The following PGGHG variants were observed in gnomAD, a reference collection of about 807,000 sequenced individuals.
PGGHG encodes the protein ATH1, acid trehalase-like 1.
Under a neutral mutation model 74.5 loss-of-function variants are expected in PGGHG, and 67 were observed. The ratio of observed to expected loss-of-function variants is 0.90; its 90% CI spans 0.74 to 1.10. The LOEUF (loss-of-function observed/expected upper bound fraction) is 1.10, where lower values mean the gene tolerates loss of function less well. PGGHG is among the 50% of genes least tolerant of loss of function. The probability of loss-of-function intolerance (pLI) is 0.00; values close to 1 mark genes in which losing one functional copy is unlikely to be tolerated. For synonymous variants in PGGHG, 496 were observed against 419.9 expected (o/e 1.18, Z -2.21); for missense variants, 1,034 against 981.5 (o/e 1.05, Z -0.72).
Position 291,194 on chromosome 11 carries a change from G to A in PGGHG, c.906+81G>A, listed in dbSNP as rs148949219. On this transcript the variant is annotated intron_variant, in intron 4 of 13. Transcript: ENST00000409548. ...GGTCTCTGCCCTCCCTGGGACCAGG[G>A]CTATGGTTGGGGAAGCACAGGGACT... The A allele has an allele frequency of 1.8e-3, 2,623 of 1,461,454 alleles. 39 individuals carry two copies. In the African/African-American group the frequency reaches 0.034, roughly 19 times the overall value. 90.5% of individuals were successfully genotyped at this position (1,461,454 alleles called of 1,614,324 possible).
Position 290,989 on chromosome 11 carries a change from A to C in PGGHG, c.782A>C (p.Tyr261Ser). ...CGCCAGGCCCTGCGTGGCTCCCTCT[A>C]CTACCTGCTCAGTGCCCTGCCCCAG... ...QLRQALRGSL[Y>S]YLLSALPQPK... The change falls in exon 4 of 14, where the codon TAC becomes TCC. Residue 261 changes from tyrosine to serine, a missense_variant. Physicochemically the swap from Tyr to Ser is moderately radical, Grantham distance 144. Coordinates refer to ENST00000409548, the MANE Select transcript of PGGHG (RefSeq NM_025092.5). The C allele has an allele frequency of 1.2e-6, 2 of 1,612,670 alleles. No homozygotes were observed. The highest frequency in any genetic ancestry group is 2.2e-5 in the South Asian group (2 of 91,082).
Position 293,915 on chromosome 11 carries a change from A to G in PGGHG, c.1700A>G (p.Glu567Gly). The G allele has an allele frequency of 6.2e-7, 1 of 1,612,504 alleles. No individual in the cohort carries two copies. Among genetic ancestry groups the G allele is most frequent in the Non-Finnish European group, 8.5e-7 (1 of 1,179,602 alleles). Residue 567 changes from glutamate (E) to glycine (G), a missense_variant, in exon 11 of 14, where the codon GAA becomes GGA. Transcript: ENST00000409548. ...LLDRSFANMA[E>G]PFKVWTENAD... ...GACAGGAGCTTTGCCAACATGGCTG[A>G]ACCCTTCAAGGTCAGCCTGGCCACA...
At chr11:291,154 C>T (rs1590284408) in intron 4 of PGGHG, 41 bp downstream of exon 4, 1 of 1,520,304 alleles carries the variant, frequency 6.6e-7, no homozygotes, top group Non-Finnish European at 8.8e-7. Flanking sequence ...CAGCAGGCGA[C>T]ACATGGAGGT....
In PGGHG at chr11:294,146, A is replaced by T. The variant is rs563263694; in HGVS notation, c.1758A>T (p.Thr586=). ...GGTCAGGCGCTGTGAACTTCCTGAC[A>T]GGCATGGGGGGCTTCCTGCAGGCGG... The part of the protein sequence containing the change: ...ADGSGAVNFL[T]GMGGFLQAVV... The change falls in exon 12 of 14, where the codon ACA becomes ACT. Residue 586 remains threonine (T), a synonymous_variant. Coordinates refer to ENST00000409548, the MANE Select transcript of PGGHG (RefSeq NM_025092.5). 4 of 1,612,772 alleles carry T rather than the reference A, an allele frequency of 2.5e-6. No homozygotes were observed. In the African/African-American group the frequency reaches 4.0e-5, roughly 16 times the overall value.
At chr11:293,757 C>T (rs1343342523) in intron 10 of PGGHG, 30 bp downstream of exon 10, 3 of 1,613,342 alleles carry the variant, frequency 1.9e-6, no homozygotes, top group East Asian at 2.2e-5. Context: ...GGAGTTCCTA[C>T]CCCATTGGCC....
rs202147852 is a variant in PGGHG at position 293,347 on chromosome 11, C to A, written c.1344-19C>A. ...GAAGTGTAGGGGTTGCAGCCTCCCC[C>A]ACCTACCTCCACCTCCAGCCTGCGC... On this transcript the variant is annotated intron_variant, in intron 8 of 13. Coordinates refer to ENST00000409548, the MANE Select transcript of PGGHG (RefSeq NM_025092.5). 3 of 1,608,960 alleles carry A rather than the reference C, an allele frequency of 1.9e-6. No individual in the cohort carries two copies. Among genetic ancestry groups the A allele is most frequent in the Admixed American group, 1.7e-5 (1 of 59,880 alleles).
Position 294,386 on chromosome 11 carries a change from T to A in PGGHG, c.1928T>A (p.Val643Glu), listed in dbSNP as rs147026005. The A allele has an allele frequency of 2.2e-4, 357 of 1,613,106 alleles. No individual in the cohort carries two copies. The highest frequency in any genetic ancestry group is 2.9e-4 in the Non-Finnish European group (339 of 1,179,970). Reference sequence around the variant, plus strand: ...AACTTCTCTTTTTCCGAGGACTCCGTGACCGTGGAGGTCACAGCTCGAGCA... The same window carrying A: ...AACTTCTCTTTTTCCGAGGACTCCGAGACCGTGGAGGTCACAGCTCGAGCA... ...KLNFSFSEDSVTVEVTARAGP... is the reference protein window; with the variant it reads ...KLNFSFSEDSETVEVTARAGP... The change falls in exon 13 of 14, where the codon GTG becomes GAG. Residue 643 changes from valine (V) to glutamate (E), a missense_variant. Coordinates refer to ENST00000409548, the MANE Select transcript of PGGHG (RefSeq NM_025092.5).
chr11:290,677 GGTACCT>G lies in PGGHG; in HGVS notation c.474_479del (p.Leu159_Tyr160del). On this transcript the variant is annotated inframe_deletion and splice_region_variant, in exon 4 of 14. Transcript: ENST00000409548. Reference sequence around the variant, plus strand: ...CCTGAGGCATGGCCACGCTCTCACAGGTACCTGTATGGCCACACCCTCACCCCTGAG... The same window carrying G: ...CCTGAGGCATGGCCACGCTCTCACAGGTATGGCCACACCCTCACCCCTGAG... 1 of 1,608,288 alleles carries G rather than the reference GGTACCT, an allele frequency of 6.2e-7. No homozygotes were observed. The highest frequency in any genetic ancestry group is 1.1e-5 in the South Asian group (1 of 90,808).
Position 290,005 on chromosome 11 carries a change from C to A in PGGHG, c.189C>A (p.Asn63Lys). The change falls in exon 2 of 14, where the codon AAC (asparagine) becomes AAA (lysine). Residue 63 changes from asparagine to lysine, a missense_variant. Asn to Lys is a moderately conservative substitution (Grantham distance 94). Transcript: ENST00000409548. ...GGGCCATGCTGCCCAGCCCCCTCAA[C>A]GTCCGGCTGGAGGCCCCTGCAGGGA... ...THRAMLPSPLNVRLEAPAGMG... is the reference protein window; with the variant it reads ...THRAMLPSPLKVRLEAPAGMG... 6.5e-7 allele frequency: 1 copy of A among 1,547,928 alleles called. No individual in the cohort carries two copies. Among genetic ancestry groups the A allele is most frequent in the Non-Finnish European group, 8.7e-7 (1 of 1,146,780 alleles).
rs1845755482 is a variant in PGGHG, at chr11:292,540, C to T, written c.1027-6C>T. On this transcript the variant is annotated splice_region_variant and splice_polypyrimidine_tract_variant and intron_variant, in intron 5 of 13. Transcript: ENST00000409548. ...AGGTCAAGTCTGCCCCCTCCCAACC[C>T]CTCAGGGAGCCAAGTTTGCCTGGGA... 1.9e-6 allele frequency: 3 copies of T among 1,612,950 alleles called. No individual in the cohort carries two copies. The highest frequency in any genetic ancestry group is 1.3e-5 in the African/African-American group (1 of 74,918).
At chr11:292,393 G>A (rs532170545) in intron 5 of PGGHG, among the ~76,000 whole-genome samples, 153 bp from the exon 6 acceptor site, 28 of 152,244 alleles carry the variant, frequency 1.8e-4, no homozygotes, top group African/African-American at 3.1e-4. Context: ...ACCTGGCCCC[G>A]TGAGGACGTG....
intron 4 of PGGHG, chr11:291,552 G>T (rs1157287039): frequency 7.6e-6 from 2 of 262,860 alleles, no homozygotes; most frequent in South Asian, 5.3e-5. Context: ...AGGGCACAGA[G>T]CGGAGGGGCA....
At chr11:292,159 C>T (rs1590286652) in intron 5 of PGGHG, 64 bp downstream of exon 5, 1 of 1,473,052 alleles carries the variant, frequency 6.8e-7, no homozygotes, top group East Asian at 2.5e-5. Context: ...ACACCCCTCC[C>T]AGGCCTGTAT....
chr11:291,215 G>C (rs543864626), intron 4 of PGGHG, 102 bp downstream of exon 4: 2 of 1,380,334 alleles, frequency 1.4e-6, no homozygotes, highest in Non-Finnish European at 9.8e-7. Context: ...GGAAGCACAG[G>C]GACTGTGGCA....
Position 293,662 on chromosome 11 carries a change from G to A in PGGHG, c.1549G>A (p.Val517Ile), listed in dbSNP as rs771471260. 11 of 1,613,314 alleles carry A rather than the reference G, an allele frequency of 6.8e-6. No individual in the cohort carries two copies. Among genetic ancestry groups the A allele is most frequent in the African/African-American group, 1.3e-5 (1 of 74,916 alleles). The change falls in exon 10 of 14, where the codon GTT becomes ATT. Residue 517 changes from valine to isoleucine, a missense_variant. Physicochemically the swap from Val to Ile is conservative, Grantham distance 29 (BLOSUM62 3). Transcript: ENST00000409548. ...YPVPFSLSPDVRRKNLEIYEA... is the reference protein window; with the variant it reads ...YPVPFSLSPDIRRKNLEIYEA... Reference sequence around the variant, plus strand: ...AGTCCCCTTCTCCCTGAGTCCTGATGTTCGCAGGAAAAATCTGGAGATTTA... The same window carrying A: ...AGTCCCCTTCTCCCTGAGTCCTGATATTCGCAGGAAAAATCTGGAGATTTA...
rs1487920400 is a variant in PGGHG, at chr11:290,992, ACCTG to A, written c.787_790del (p.Leu263SerfsTer48). 1.2e-6 allele frequency: 2 copies of A among 1,612,470 alleles called. No individual in the cohort carries two copies. The highest frequency in any genetic ancestry group is 2.7e-5 in the African/African-American group (2 of 74,888). ...CAGGCCCTGCGTGGCTCCCTCTACT[ACCTG>A]CTCAGTGCCCTGCCCCAGCCCAAGG... On this transcript the variant is annotated frameshift_variant, in exon 4 of 14. Transcript: ENST00000409548. LOFTEE classifies it high-confidence loss of function.
rs78386978 is a variant in PGGHG, at chr11:295,302, G to C, written c.*553G>C. On this transcript the variant is annotated 3_prime_UTR_variant, in exon 14 of 14. Transcript: ENST00000409548. ...CAATCCCAGGCTCCTCTTGACTCTG[G>C]GCAGCTTTAATCAGGTTGGGCAGCC... 7.9e-3 allele frequency: 1,197 copies of C among 152,458 alleles called. 6 individuals are homozygous for C. The highest frequency in any genetic ancestry group is 0.027 in the Middle Eastern group (8 of 298). The allele number at this position is 152,458 out of a possible 1,614,324, so 9.4% of individuals were successfully genotyped here.
chr11:290,684 G>C lies in PGGHG; in HGVS notation c.477G>C (p.Leu159=), dbSNP rs779611436. The C allele has an allele frequency of 3.7e-6, 6 of 1,606,888 alleles. No individual in the cohort carries two copies. The South Asian group carries it at 4.4e-5, about 12-fold the overall frequency. ...CATGGCCACGCTCTCACAGGTACCT[G>C]TATGGCCACACCCTCACCCCTGAGC... The part of the protein sequence containing the change: ...QGPDFQGARY[L]YGHTLTPEQP... The change falls in exon 4 of 14, where the codon CTG becomes CTC. Residue 159 remains leucine, a synonymous_variant. Coordinates refer to ENST00000409548, the MANE Select transcript of PGGHG (RefSeq NM_025092.5).
Position 292,657 on chromosome 11 carries a change from C to G in PGGHG, c.1138C>G (p.Leu380Val). ...VNGAVVLAFE[L>V]YYHTTQDLQL... The stretch of plus-strand genomic sequence containing the variant: ...CGGGGCCGTGGTGTTGGCCTTCGAG[C>G]TGTACTACCATACCACCCAGGTGAG... Residue 380 changes from leucine (L) to valine (V), a missense_variant, in exon 6 of 14, where the codon CTG becomes GTG. By Grantham distance (32) the Leu-to-Val change is conservative (BLOSUM62 1). Coordinates refer to ENST00000409548, the MANE Select transcript of PGGHG (RefSeq NM_025092.5). 1.2e-6 allele frequency: 2 copies of G among 1,613,800 alleles called. No individual in the cohort carries two copies. The highest frequency in any genetic ancestry group is 1.7e-6 in the Non-Finnish European group (2 of 1,180,002).
Sources: allele counts gnomAD v4.1 joint callset (sites outside exome capture counted in the v4.1 genomes callset), GRCh38; gene constraint gnomAD v4.1.1; transcripts MANE v1.5; gene names NCBI Gene and HGNC (gene_info 2026-07-23, HGNC 2026-07-21).